The following MAST2 variants were observed in gnomAD, a reference collection of about 807,000 sequenced individuals.
The protein encoded by MAST2 is microtubule-associated serine/threonine-protein kinase 2.
In MAST2, 70 loss-of-function variants were observed where a neutral mutation model predicts 147.4. That is an observed-to-expected ratio of 0.47 (90% CI 0.39 to 0.58). The LOEUF is 0.58. MAST2 is among the 20% of genes least tolerant of loss of function. The pLI is 0.00. For missense variants in MAST2, 2,080 were observed against 2,302.3 expected (o/e 0.90, Z 1.98); for synonymous variants, 869 against 896.8 (o/e 0.97, Z 0.55).
At chr1:45,845,057 A>G (rs1645388479) in intron 3 of MAST2, among the ~76,000 whole-genome samples, 2 of 152,310 alleles carry the variant, frequency 1.3e-5, no homozygotes, top group African/African-American at 4.8e-5. Flanking sequence ...TCAAAAGGCC[A>G]AATCTCCCAC....
chr1:45,918,048 T>G (rs866756691), intron 4 of MAST2, among the ~76,000 whole-genome samples: 14 of 152,262 alleles, frequency 9.2e-5, no homozygotes, highest in Middle Eastern at 6.8e-3. Context: ...AGCAATAAAA[T>G]CCCTGTCCTC....
chr1:46,022,104 T>C, intron 12 of MAST2, 22 bp downstream of exon 12: 1 of 1,612,920 alleles, frequency 6.2e-7, no homozygotes, highest in Non-Finnish European at 8.5e-7. Context: ...GCCTAGTGGC[T>C]GCAAAGAGGC....
At chr1:45,827,036 G>A (rs905001086) in intron 2 of MAST2, among the ~76,000 whole-genome samples, 2 of 152,104 alleles carry the variant, frequency 1.3e-5, no homozygotes, top group African/African-American at 4.8e-5. Flanking sequence ...CACTATGTTG[G>A]CCAGAATGGT....
intron 3 of MAST2, among the ~76,000 whole-genome samples, chr1:45,832,562 G>A (rs1434991371): frequency 1.3e-5 from 2 of 152,112 alleles, no homozygotes; most frequent in African/African-American, 4.8e-5. Flanking sequence ...CCTAAGTGCT[G>A]GGGTTACAGG....
At chr1:45,961,686 A>G (rs1201512688) in intron 5 of MAST2, among the ~76,000 whole-genome samples, 2 of 152,192 alleles carry the variant, frequency 1.3e-5, no homozygotes, top group Non-Finnish European at 2.9e-5. Context: ...TGTAGACTAT[A>G]CTTATCCAGC....
intron 24 of MAST2, 69 bp from the exon 25 acceptor site, chr1:46,032,095 GAGTTGTGCTGACAT>G: frequency 9.6e-7 from 1 of 1,037,514 alleles, no homozygotes; most frequent in Non-Finnish European, 1.5e-6. Context: ...TCTGTGACTA[GAGTTGTGCTGACAT>G]CAACAGACTG....
In MAST2 at chr1:46,032,732, G is replaced by T. The variant is rs769127225; in HGVS notation, c.3537+14G>T. 18 of 1,608,502 alleles carry T rather than the reference G, an allele frequency of 1.1e-5. No individual in the cohort carries two copies. Among genetic ancestry groups the T allele is most frequent in the African/African-American group, 2.7e-5 (2 of 74,842 alleles). The stretch of plus-strand genomic sequence containing the variant: ...CTGATCCTGAAGGTTAGTGCTGGGC[G>T]TGCTGCCTGCATGGTCCCTGAATGA... On this transcript the variant is annotated intron_variant, in intron 26 of 28. Coordinates refer to ENST00000361297, the MANE Select transcript of MAST2 (RefSeq NM_015112.3).
At chr1:45,859,593 A>G (rs1038668064) in intron 3 of MAST2, among the ~76,000 whole-genome samples, 1 of 152,204 alleles carries the variant, frequency 6.6e-6, no homozygotes, top group African/African-American at 2.4e-5. Flanking sequence ...CTGATCAGGG[A>G]GGCCTAAAGT....
At chr1:45,811,397 G>A (rs1644293988) in intron 1 of MAST2, among the ~76,000 whole-genome samples, 1 of 147,634 alleles carries the variant, frequency 6.8e-6, no homozygotes, top group Non-Finnish European at 1.5e-5. Flanking sequence ...CGAGTGCAGT[G>A]GCGCGATCTC....
chr1:45,907,519 G>A (rs1385140583), intron 4 of MAST2, among the ~76,000 whole-genome samples: 1 of 149,560 alleles, frequency 6.7e-6, no homozygotes. Flanking sequence ...GTGCAGTGGC[G>A]TGATCTCAGC....
chr1:46,019,553 C>T (rs1367438362), intron 10 of MAST2, 43 bp from the exon 11 acceptor site: 4 of 1,517,890 alleles, frequency 2.6e-6, no homozygotes, highest in African/African-American at 2.7e-5. Context: ...TTAGCCCAGC[C>T]ACACTGGGCC....
intron 4 of MAST2, 148 bp downstream of exon 4, chr1:45,882,543 C>A: frequency 1.7e-6 from 1 of 603,032 alleles, no homozygotes; most frequent in Non-Finnish European, 2.9e-6. Context: ...GCCAGCAGGC[C>A]AACTGACTTC....
At chr1:45,856,986 G>C (rs1645810583) in intron 3 of MAST2, among the ~76,000 whole-genome samples, 1 of 152,062 alleles carries the variant, frequency 6.6e-6, no homozygotes, top group Non-Finnish European at 1.5e-5. Flanking sequence ...TCATCAATAT[G>C]TTCAGTATCT....
chr1:45,821,677 G>A (rs1216473679), intron 1 of MAST2, among the ~76,000 whole-genome samples: 2 of 150,842 alleles, frequency 1.3e-5, no homozygotes, highest in Non-Finnish European at 3.0e-5. Context: ...GCACCACCAC[G>A]CCAGCTGATT....
chr1:45,878,435 A>C (rs1169207576), intron 3 of MAST2, among the ~76,000 whole-genome samples: 1 of 152,136 alleles, frequency 6.6e-6, no homozygotes, highest in African/African-American at 2.4e-5. Flanking sequence ...AAAACCTATA[A>C]CTAACATAAT....
chr1:45,818,312 G>A lies in MAST2; in HGVS notation c.178-6121G>A, dbSNP rs9803633. On this transcript the variant is annotated intron_variant, in intron 1 of 28. Coordinates refer to ENST00000361297, the MANE Select transcript of MAST2 (RefSeq NM_015112.3). ...GACAGCAGACCACCAAACAGTGACC[G>A]TGACCTTTATTTGATGCAAGTTTGG... is the stretch of plus-strand genomic sequence containing the variant. Among the ~76,000 whole-genome samples the A allele has an allele frequency of 7.6e-3, 1,153 of 152,268 alleles. 16 individuals carry two copies. Among genetic ancestry groups the A allele is most frequent in the African/African-American group, 0.027 (1,101 of 41,542 alleles).
intron 3 of MAST2, among the ~76,000 whole-genome samples, chr1:45,844,236 A>G (rs1645361931): frequency 6.6e-6 from 1 of 151,970 alleles, no homozygotes; most frequent in African/African-American, 2.4e-5. Context: ...AGTAGTTGGG[A>G]CTACAGGCAT....
At chr1:45,956,165 G>A (rs1355533705) in intron 4 of MAST2, among the ~76,000 whole-genome samples, 2 of 152,150 alleles carry the variant, frequency 1.3e-5, no homozygotes, top group African/African-American at 4.8e-5. Context: ...ATTGTGGTGG[G>A]TCAAATTCAA....
At chr1:45,941,573 T>A (rs1193998033) in intron 4 of MAST2, among the ~76,000 whole-genome samples, 3 of 152,250 alleles carry the variant, frequency 2.0e-5, no homozygotes, top group African/African-American at 7.2e-5. Context: ...AATAGTTTTT[T>A]AAAAATTTCT....
Sources: allele counts gnomAD v4.1 joint callset (sites outside exome capture counted in the v4.1 genomes callset), GRCh38; gene constraint gnomAD v4.1.1; transcripts MANE v1.5; gene names NCBI Gene and HGNC (gene_info 2026-07-23, HGNC 2026-07-21).